Variants in ACTN1 observed in about 807,000 individuals in gnomAD.
ACTN1 encodes the protein alpha-actinin-1.
A neutral mutation model predicts 119.6 loss-of-function variants in ACTN1; 30 were observed. The observed-to-expected ratio is 0.25, with a 90% CI of 0.19 to 0.34. The LOEUF (loss-of-function observed/expected upper bound fraction) is 0.34. Ranked by LOEUF, ACTN1 falls within the 10% of genes least tolerant of loss-of-function variation. The pLI is 1.00. For missense variants in ACTN1, 764 were observed against 1,223.4 expected, an observed-to-expected ratio of 0.62 and a Z score of 5.60; for synonymous variants, 429 against 472.6, an observed-to-expected ratio of 0.91 and a Z score of 1.20.
intron 1 of ACTN1, among the ~76,000 whole-genome samples, chr14:68,968,462 T>A (rs565447030): frequency 1.3e-5 from 2 of 151,700 alleles, no homozygotes; most frequent in African/African-American, 4.8e-5. Context: ...GAGTGATGCA[T>A]TGGGTATGAC....
intron 1 of ACTN1, among the ~76,000 whole-genome samples, chr14:68,939,134 C>T (rs2035673495): frequency 6.6e-6 from 1 of 152,236 alleles, no homozygotes. Context: ...GCAGACTGCC[C>T]AGCTCCTTCT....
intron 3 of ACTN1, among the ~76,000 whole-genome samples, chr14:68,916,717 C>A (rs1465616479): frequency 6.6e-6 from 1 of 151,776 alleles, no homozygotes; most frequent in East Asian, 1.9e-4. Context: ...GGTTCCAAGG[C>A]CACAACTGGG....
At chr14:68,917,924 G>C (rs1335322269) in intron 3 of ACTN1, among the ~76,000 whole-genome samples, 5 of 152,192 alleles carry the variant, frequency 3.3e-5, no homozygotes, top group Non-Finnish European at 7.3e-5. Flanking sequence ...AAATTAGCCA[G>C]GCGTGGTGGC....
At chr14:68,962,322 G>T (rs2036565976) in intron 1 of ACTN1, among the ~76,000 whole-genome samples, 1 of 152,118 alleles carries the variant, frequency 6.6e-6, no homozygotes, top group African/African-American at 2.4e-5. Flanking sequence ...GCTCGCAGGT[G>T]GAGTGAGCTC....
intron 3 of ACTN1, among the ~76,000 whole-genome samples, chr14:68,913,419 AT>A (rs2034117318): frequency 6.6e-6 from 1 of 152,180 alleles, no homozygotes; most frequent in African/African-American, 2.4e-5. Flanking sequence ...TACCTGCAAC[AT>A]TAATTTTAGG....
chr14:68,902,394 G>A (rs1208367513), intron 8 of ACTN1, 83 bp downstream of exon 8: 2 of 1,155,678 alleles, frequency 1.7e-6, no homozygotes, highest in Non-Finnish European at 2.6e-6. Flanking sequence ...GTCACCAGGA[G>A]AGGTGGAGGC....
At chr14:68,951,756 AC>A (rs944469886) in intron 1 of ACTN1, among the ~76,000 whole-genome samples, 1 of 152,022 alleles carries the variant, frequency 6.6e-6, no homozygotes, top group Non-Finnish European at 1.5e-5. Context: ...CGTGCCTGGT[AC>A]CCCTCCCAGA....
At chr14:68,898,920 C>T (rs1046428308) in intron 8 of ACTN1, among the ~76,000 whole-genome samples, 1 of 151,296 alleles carries the variant, frequency 6.6e-6, no homozygotes, top group Non-Finnish European at 1.5e-5. Context: ...CCCACACACC[C>T]CTCACACATG....
At position 68,921,069 on chromosome 14, in the gene ACTN1, C is replaced by T. The variant is rs548866483; in HGVS notation, c.277G>A (p.Val93Ile). 1.9e-6 allele frequency: 3 copies of T among 1,614,148 alleles called. No homozygotes were observed. The highest frequency in any genetic ancestry group is 2.5e-6 in the Non-Finnish European group (3 of 1,180,008). The change falls in exon 3 of 22, where the codon GTC (valine) becomes ATC (isoleucine). Residue 93 changes from valine to isoleucine, a missense_variant. By Grantham distance (29) the Val-to-Ile change is conservative. Around this residue, in one of 4 missense-constraint regions of ACTN1, gnomAD observed 54 missense variants for 153.2 expected, o/e 0.35. Transcript: ENST00000394419. ...GCTATGAAATCCAGGGCCTTGTTGA[C>T]GTTGGAGATCTTGTGCACTCTCATC... ...GKMRVHKISN[V>I]NKALDFIASK... is the part of the protein sequence containing the mutation.
chr14:68,948,640 G>A (rs1331716324), intron 1 of ACTN1, among the ~76,000 whole-genome samples: 2 of 152,114 alleles, frequency 1.3e-5, no homozygotes, highest in Non-Finnish European at 2.9e-5. Flanking sequence ...GGCTCGAGAG[G>A]GTTAAGTAAG....
intron 2 of ACTN1, among the ~76,000 whole-genome samples, chr14:68,922,774 C>A (rs1016353209): frequency 6.6e-6 from 1 of 152,272 alleles, no homozygotes; most frequent in African/African-American, 2.4e-5. Context: ...CCCTTTCCCC[C>A]TCTCACTAAG....
chr14:68,938,639 T>C (rs1296918967), intron 1 of ACTN1, among the ~76,000 whole-genome samples: 2 of 152,084 alleles, frequency 1.3e-5, no homozygotes, highest in Non-Finnish European at 2.9e-5. Context: ...AGTTAAACTG[T>C]CTAGGTGTCA....
chr14:68,978,873 C>G, intron 1 of ACTN1, 79 bp downstream of exon 1: 1 of 984,296 alleles, frequency 1.0e-6, no homozygotes. Context: ...GAGCCCGGAG[C>G]CGAGAGCCCG....
chr14:68,951,018 G>T (rs1228748152), intron 1 of ACTN1, among the ~76,000 whole-genome samples: 1 of 152,220 alleles, frequency 6.6e-6, no homozygotes, highest in Admixed American at 6.5e-5. Context: ...GCACCAGCCT[G>T]CCTGCAGAAG....
intron 3 of ACTN1, among the ~76,000 whole-genome samples, chr14:68,917,359 C>A (rs879782261): frequency 6.6e-6 from 1 of 152,134 alleles, no homozygotes; most frequent in Non-Finnish European, 1.5e-5. Context: ...CCTGGTTCTG[C>A]CCTTCGGAGT....
At chr14:68,962,394 G>A (rs1029203478) in intron 1 of ACTN1, among the ~76,000 whole-genome samples, 6 of 152,128 alleles carry the variant, frequency 3.9e-5, no homozygotes, top group Non-Finnish European at 8.8e-5. Flanking sequence ...CCATGGCAAC[G>A]GGCCAGCACC....
intron 1 of ACTN1, among the ~76,000 whole-genome samples, chr14:68,940,637 A>T (rs113189541): frequency 0.15 from 22,588 of 150,964 alleles, 2,308 homozygotes; most frequent in African/African-American, 0.28. Context: ...CCAGGAGATC[A>T]AGGCCAGCCT....
intron 1 of ACTN1, among the ~76,000 whole-genome samples, chr14:68,948,569 C>T (rs2140523549): frequency 6.6e-6 from 1 of 152,052 alleles, no homozygotes; most frequent in South Asian, 2.1e-4. Context: ...AACAGCAAGA[C>T]TCCATCTTAA....
At chr14:68,900,929 C>T (rs2033267945) in intron 8 of ACTN1, 2 of 152,418 alleles carry the variant, frequency 1.3e-5, no homozygotes, top group Admixed American at 6.5e-5. Flanking sequence ...CCCATCCGGC[C>T]TTAGCGTGCC....
Sources: allele counts gnomAD v4.1 joint callset (sites outside exome capture counted in the v4.1 genomes callset), GRCh38; gene constraint gnomAD v4.1.1; regional missense constraint gnomAD v4.1.1; transcripts MANE v1.5; gene names NCBI Gene and HGNC (gene_info 2026-07-23, HGNC 2026-07-21).